MAPK8: variants seen among roughly 807,000 people sequenced by gnomAD.
MAPK8 encodes mitogen-activated protein kinase 8.
A neutral mutation model predicts 52.9 loss-of-function variants in MAPK8; 13 were observed. That is an observed-to-expected ratio of 0.25 (90% CI 0.16 to 0.39). The LOEUF (loss-of-function observed/expected upper bound fraction) is 0.39, where lower values mean the gene tolerates loss of function less well. MAPK8 is among the 10% of genes least tolerant of loss of function. The probability of loss-of-function intolerance (pLI) is 1.00; values close to 1 mark genes in which losing one functional copy is unlikely to be tolerated. For missense variants in MAPK8, 300 were observed against 519.2 expected (o/e 0.58, Z 4.10); for synonymous variants, 191 against 169.8 (o/e 1.12, Z -0.97).
intron 1 of MAPK8, among the ~76,000 whole-genome samples, chr10:48,317,895 T>G (rs965109156): frequency 6.6e-6 from 1 of 152,162 alleles, no homozygotes; most frequent in African/African-American, 2.4e-5. Flanking sequence ...ATTTAAGGTT[T>G]AAAATCTTGA....
rs76980561 is a variant in MAPK8 at position 48,355,147 on chromosome 10, C to A, written c.-49-46465C>A. ...AGATTCAGAAACTATAAAGACTATT[C>A]AAAGAGATTTTTTAAAAATAGCTAG... On this transcript the variant is annotated intron_variant, in intron 1 of 11. Coordinates refer to ENST00000374189, the MANE Select transcript of MAPK8 (RefSeq NM_001323329.2). 6.3e-3 allele frequency among the ~76,000 whole-genome samples: 952 copies of A among 152,210 alleles called. 45 individuals are homozygous for A. In the East Asian group the frequency reaches 0.13, roughly 21 times the overall value.
intron 1 of MAPK8, among the ~76,000 whole-genome samples, chr10:48,391,548 T>A (rs968250605): frequency 1.3e-5 from 2 of 152,198 alleles, no homozygotes; most frequent in Admixed American, 6.5e-5. Flanking sequence ...AAGTGCTTTT[T>A]TTCTGTTCTC....
intron 10 of MAPK8, chr10:48,430,983 A>G: frequency 1.7e-6 from 1 of 582,144 alleles, no homozygotes; most frequent in South Asian, 2.1e-5. Flanking sequence ...AAAGATTAGT[A>G]CTTCCTTTTA....
intron 1 of MAPK8, among the ~76,000 whole-genome samples, chr10:48,367,574 CATT>C (rs1170213319): frequency 2.0e-4 from 30 of 151,952 alleles, no homozygotes; most frequent in African/African-American, 6.8e-4. Context: ...TCATAAGTAA[CATT>C]ATTATGAAAA....
chr10:48,330,771 C>T (rs954206586), intron 1 of MAPK8, among the ~76,000 whole-genome samples: 1 of 152,058 alleles, frequency 6.6e-6, no homozygotes, highest in Non-Finnish European at 1.5e-5. Flanking sequence ...TTTCATTATC[C>T]CCCTTAAAAG....
At chr10:48,330,077 TAC>T (rs1843977138) in intron 1 of MAPK8, among the ~76,000 whole-genome samples, 1 of 152,292 alleles carries the variant, frequency 6.6e-6, no homozygotes, top group South Asian at 2.1e-4. Context: ...TATACATGGG[TAC>T]ACACATGTAT....
At chr10:48,424,457 T>A in intron 7 of MAPK8, 1 of 1,099,820 alleles carries the variant, frequency 9.1e-7, no homozygotes, top group Non-Finnish European at 1.3e-6. Context: ...ATTTCTTTCT[T>A]TTTTTTTTTA....
chr10:48,374,691 A>G (rs1204128714), intron 1 of MAPK8, among the ~76,000 whole-genome samples: 2 of 152,090 alleles, frequency 1.3e-5, no homozygotes, highest in Admixed American at 1.3e-4. Context: ...AAACCAGGAA[A>G]AAGTTGAATC....
At chr10:48,322,279 TAGC>T (rs1238068454) in intron 1 of MAPK8, among the ~76,000 whole-genome samples, 1 of 151,270 alleles carries the variant, frequency 6.6e-6, no homozygotes, top group Non-Finnish European at 1.5e-5. Context: ...ATTTTGAAGT[TAGC>T]AGGGTTTTGT....
At chr10:48,416,869 A>G (rs969339415) in intron 5 of MAPK8, among the ~76,000 whole-genome samples, 3 of 152,098 alleles carry the variant, frequency 2.0e-5, no homozygotes, top group Non-Finnish European at 2.9e-5. Flanking sequence ...CCTCATGAAT[A>G]TATCTAAAGT....
chr10:48,320,211 CTTTTTTTTTTTTTTTTTTT>C (rs71026206), intron 1 of MAPK8, among the ~76,000 whole-genome samples: 21 of 35,316 alleles, frequency 5.9e-4, no homozygotes, highest in Non-Finnish European at 8.6e-4. Flanking sequence ...ACTGCTCGGC[CTTTTTTTTTTTTTTTTTTT>C]TTTTTTTTTT....
chr10:48,433,221 A>G (rs532740706), intron 11 of MAPK8, among the ~76,000 whole-genome samples: 79 of 152,268 alleles, frequency 5.2e-4, no homozygotes, highest in African/African-American at 1.9e-3. Flanking sequence ...TAGGTACTTG[A>G]TTTTTAGATT....
chr10:48,355,864 A>G (rs1385501427), intron 1 of MAPK8, among the ~76,000 whole-genome samples: 1 of 152,220 alleles, frequency 6.6e-6, no homozygotes, highest in East Asian at 1.9e-4. Context: ...AAGATCTTTG[A>G]TATATCTGGG....
intron 1 of MAPK8, among the ~76,000 whole-genome samples, chr10:48,360,885 A>G (rs970278537): frequency 6.6e-6 from 1 of 152,142 alleles, no homozygotes; most frequent in Non-Finnish European, 1.5e-5. Context: ...TATGGGGGGA[A>G]TTTTAAGGGA....
intron 6 of MAPK8, among the ~76,000 whole-genome samples, chr10:48,422,473 T>C (rs2043423788): frequency 6.6e-6 from 1 of 152,232 alleles, no homozygotes; most frequent in African/African-American, 2.4e-5. Context: ...TGTGCATGAA[T>C]CAGACTTATG....
At chr10:48,370,162 G>C (rs1310012385) in intron 1 of MAPK8, among the ~76,000 whole-genome samples, 1 of 152,122 alleles carries the variant, frequency 6.6e-6, no homozygotes, top group Non-Finnish European at 1.5e-5. Context: ...AAAAGTATGT[G>C]GAAACTAGTT....
intron 5 of MAPK8, among the ~76,000 whole-genome samples, chr10:48,418,515 G>A (rs963641846): frequency 1.3e-5 from 2 of 152,152 alleles, no homozygotes; most frequent in African/African-American, 4.8e-5. Context: ...AATCACCAAA[G>A]CAGGGCAGGA....
At chr10:48,391,339 A>G (rs959618513) in intron 1 of MAPK8, among the ~76,000 whole-genome samples, 5 of 152,218 alleles carry the variant, frequency 3.3e-5, no homozygotes, top group Admixed American at 1.3e-4. Context: ...TCTAAATTCT[A>G]TAACAAGAGT....
Position 48,437,920 on chromosome 10 carries a change from A to C in MAPK8, c.*2891A>C, listed in dbSNP as rs1001009838. 1 of 152,196 alleles carries C rather than the reference A, an allele frequency of 6.6e-6. No homozygotes were observed. The highest frequency in any genetic ancestry group is 1.5e-5 in the Non-Finnish European group (1 of 68,034). The allele number at this position is 152,196 out of a possible 1,614,324, so 9.4% of individuals were successfully genotyped here. On this transcript the variant is annotated 3_prime_UTR_variant, in exon 12 of 12. Coordinates refer to ENST00000374189, the MANE Select transcript of MAPK8 (RefSeq NM_001323329.2). ...TCCTGCTGTGTTGTCTAAAAGATGG[A>C]GGGAAGAGGACATCAGTGTCTGATA...
Sources: allele counts gnomAD v4.1 joint callset (sites outside exome capture counted in the v4.1 genomes callset), GRCh38; gene constraint gnomAD v4.1.1; transcripts MANE v1.5; gene names NCBI Gene and HGNC (gene_info 2026-07-23, HGNC 2026-07-21).